The following RHOU variants were observed in gnomAD, a reference collection of about 807,000 sequenced individuals.
The protein encoded by RHOU is rho-related GTP-binding protein RhoU.
Under a neutral mutation model 12.6 loss-of-function variants are expected in RHOU, and 8 were observed. The observed-to-expected ratio is 0.64, with a 90% CI of 0.37 to 1.15. The LOEUF is 1.15. Ranked by LOEUF, RHOU falls within the 50% of genes most tolerant of loss-of-function variation. The pLI is 0.01. For missense variants in RHOU, 258 were observed against 347.0 expected (o/e 0.74, Z 2.04); for synonymous variants, 161 against 147.4 (o/e 1.09, Z -0.67).
At chr1:228,722,930 T>C in the RHOU span, among the ~76,000 whole-genome samples, 1 of 152,152 alleles carries the variant, frequency 6.6e-6, no homozygotes, top group Non-Finnish European at 1.5e-5. Flanking sequence ...CCCGGCCTTC[T>C]CTTATACATG....
the RHOU span, among the ~76,000 whole-genome samples, chr1:228,657,279 CAAAAAAAA>C: frequency 1.4e-4 from 4 of 28,032 alleles, no homozygotes; most frequent in African/African-American, 2.9e-4. Context: ...AACTCCATCT[CAAAAAAAA>C]AAAAAAAAAA....
In RHOU at chr1:228,743,238, T is replaced by G; in HGVS notation, c.322-47T>G. The G allele has an allele frequency of 1.2e-4, 179 of 1,518,694 alleles. No individual in the cohort carries two copies. Among genetic ancestry groups the G allele is most frequent in the Non-Finnish European group, 1.4e-4 (156 of 1,096,534 alleles). 94.1% of individuals were successfully genotyped at this position (1,518,694 alleles called of 1,614,324 possible). A position where few individuals can be genotyped will look rare whatever the true frequency, so the allele number is the denominator to read the frequency against. Reference sequence around the variant, plus strand: ...AATGTGAAGGTGATCTTTTTACTGATGAGAATTCATGAAAACATAACTTTT... The same window carrying G: ...AATGTGAAGGTGATCTTTTTACTGAGGAGAATTCATGAAAACATAACTTTT... On this transcript the variant is annotated intron_variant, in intron 2 of 2. Coordinates refer to ENST00000366691, the MANE Select transcript of RHOU (RefSeq NM_021205.6). This position sits in a 1 kb window ranked among gnomAD's most constrained non-coding sequence, Gnocchi z 5.1.
rs1662777967 is a variant in RHOU at position 228,744,093 on chromosome 1, A to AAGGG, written c.*357_*360dup. ...TACATTATAATGTACAGAAGAGCAA[A>AAGGG]AGGGAGGAACACTATGGTTAACCCT... On this transcript the variant is annotated 3_prime_UTR_variant, in exon 3 of 3. Coordinates refer to ENST00000366691, the MANE Select transcript of RHOU (RefSeq NM_021205.6). The AAGGG allele has an allele frequency of 4.6e-6, 1 of 216,232 alleles. No individual in the cohort carries two copies. The highest frequency in any genetic ancestry group is 9.2e-6 in the Non-Finnish European group (1 of 108,212). The allele number at this position is 216,232 out of a possible 1,614,324, so 13.4% of individuals were successfully genotyped here. A position where few individuals can be genotyped will look rare whatever the true frequency, so the allele number is the denominator to read the frequency against.
chr1:228,664,519 G>GA, the RHOU span, among the ~76,000 whole-genome samples: 2 of 151,990 alleles, frequency 1.3e-5, no homozygotes, highest in African/African-American at 4.8e-5. Context: ...GGGACTTTGG[G>GA]AAAAAACCCA....
upstream of RHOU, among the ~76,000 whole-genome samples, chr1:228,731,476 G>A (rs529041671): frequency 6.6e-6 from 1 of 152,274 alleles, no homozygotes; most frequent in Admixed American, 6.5e-5. Context: ...AAGCAAGAGA[G>A]GGAGGCTATG....
chr1:228,716,011 C>G, the RHOU span, among the ~76,000 whole-genome samples: 2 of 151,574 alleles, frequency 1.3e-5, no homozygotes, highest in Non-Finnish European at 2.9e-5. Context: ...ATCTTAGGCT[C>G]AAGCAATCTT....
the RHOU span, among the ~76,000 whole-genome samples, chr1:228,711,345 C>G: frequency 6.6e-6 from 1 of 151,962 alleles, no homozygotes; most frequent in African/African-American, 2.4e-5. Flanking sequence ...GAGCCCGCAT[C>G]GCCAAGTCAA....
chr1:228,710,595 T>C, the RHOU span, among the ~76,000 whole-genome samples: 9,397 of 152,184 alleles, frequency 0.062, 443 homozygotes, highest in East Asian at 0.23. Context: ...AAAAGGCCTT[T>C]GACAAAATTC....
In RHOU at chr1:228,743,463, A is replaced by G. The variant is rs189750035; in HGVS notation, c.500A>G (p.Glu167Gly). ...ILVGTQSDLR[E>G]DVKVLIELDK... Reference sequence around the variant, plus strand: ...GTTGGAACGCAGTCGGATCTCAGAGAAGATGTCAAAGTCCTCATTGAGTTG... The same window carrying G: ...GTTGGAACGCAGTCGGATCTCAGAGGAGATGTCAAAGTCCTCATTGAGTTG... The change falls in exon 3 of 3, where the codon GAA (glutamate) becomes GGA (glycine). Residue 167 changes from glutamate (E) to glycine (G), a missense_variant. Glu to Gly is a moderately conservative substitution (Grantham distance 98). Coordinates refer to ENST00000366691, the MANE Select transcript of RHOU (RefSeq NM_021205.6). This position sits in a 1 kb window ranked among gnomAD's most constrained non-coding sequence, Gnocchi z 5.1. The G allele has an allele frequency of 1.2e-6, 2 of 1,614,174 alleles. No homozygotes were observed. The highest frequency in any genetic ancestry group is 4.5e-5 in the East Asian group (2 of 44,888).
the RHOU span, among the ~76,000 whole-genome samples, chr1:228,727,526 G>A: frequency 2.4e-3 from 370 of 152,218 alleles, 3 homozygotes; most frequent in African/African-American, 8.3e-3. Flanking sequence ...GCCCAGGCTC[G>A]TTTCTTCTCA....
At chr1:228,713,832 T>G in the RHOU span, among the ~76,000 whole-genome samples, 3,055 of 152,264 alleles carry the variant, frequency 0.02, 102 homozygotes, top group African/African-American at 0.068. Flanking sequence ...CTGTGGGATC[T>G]GACCCTATCT....
At chr1:228,693,444 A>G in the RHOU span, among the ~76,000 whole-genome samples, 1 of 152,196 alleles carries the variant, frequency 6.6e-6, no homozygotes, top group African/African-American at 2.4e-5. Flanking sequence ...GCTGAAATAT[A>G]GAAGTCCCAT....
At chr1:228,713,239 C>T in the RHOU span, among the ~76,000 whole-genome samples, 1 of 152,124 alleles carries the variant, frequency 6.6e-6, no homozygotes, top group Non-Finnish European at 1.5e-5. Flanking sequence ...AGCCCCACTG[C>T]CCAATCTCCA....
the RHOU span, among the ~76,000 whole-genome samples, chr1:228,647,708 T>G: frequency 1.3e-5 from 2 of 152,218 alleles, no homozygotes; most frequent in African/African-American, 4.8e-5. Flanking sequence ...GTGGTGTTTC[T>G]GCTGGATCCG....
the RHOU span, among the ~76,000 whole-genome samples, chr1:228,710,308 T>G: frequency 6.6e-6 from 1 of 152,186 alleles, no homozygotes; most frequent in Admixed American, 6.5e-5. Flanking sequence ...TAACTCATTT[T>G]ATGAGGCCAG....
chr1:228,694,967 TTTTA>T, the RHOU span, among the ~76,000 whole-genome samples: 2 of 151,948 alleles, frequency 1.3e-5, no homozygotes, highest in African/African-American at 2.4e-5. Flanking sequence ...AATGAATAGG[TTTTA>T]TTTATTTATT....
chr1:228,685,009 G>A, the RHOU span, among the ~76,000 whole-genome samples: 1 of 152,136 alleles, frequency 6.6e-6, no homozygotes. Flanking sequence ...TATTTCTATG[G>A]TTATTTTTTG....
rs945048378 is a variant in RHOU at position 228,745,911 on chromosome 1, G to A, written c.*2171G>A. 7.9e-5 allele frequency: 12 copies of A among 152,328 alleles called. No individual in the cohort carries two copies. In the East Asian group the frequency reaches 9.6e-4, roughly 12 times the overall value. 9.4% of individuals were successfully genotyped at this position (152,328 alleles called of 1,614,324 possible). ...ACAAAACTTGAAAGAAGTTTTATGC[G>A]TGTGACAGTGTATGGGGCTGCAGTT... On this transcript the variant is annotated 3_prime_UTR_variant, in exon 3 of 3. Transcript: ENST00000366691.
At chr1:228,695,991 A>T in the RHOU span, among the ~76,000 whole-genome samples, 1 of 152,224 alleles carries the variant, frequency 6.6e-6, no homozygotes, top group South Asian at 2.1e-4. Context: ...ATAAAAAGAC[A>T]CATCACTTTG....
Sources: gnomAD v4.1 joint callset for allele counts (sites outside exome capture counted in the v4.1 genomes callset) on GRCh38, gnomAD v4.1.1 for gene constraint, Gnocchi (gnomAD v3.1) non-coding constraint, MANE v1.5 for transcripts, NCBI Gene and HGNC (gene_info 2026-07-23, HGNC 2026-07-21) for gene names.